Variants in TTI1 observed in about 807,000 individuals in gnomAD.
TTI1 encodes the protein TELO2 interacting protein 1, also known as TELO2-interacting protein 1 homolog.
Under a neutral mutation model 85.4 loss-of-function variants are expected in TTI1, and 52 were observed. That is an observed-to-expected ratio of 0.61 (90% CI 0.49 to 0.77). The LOEUF (loss-of-function observed/expected upper bound fraction) is 0.77, where lower values mean the gene tolerates loss of function less well. Ranked by LOEUF, TTI1 falls within the 30% of genes least tolerant of loss-of-function variation. TTI1 has a pLI of 0.00. For missense variants in TTI1, 1,173 were observed against 1,296.0 expected (o/e 0.91, Z 1.46); for synonymous variants, 512 against 503.9 (o/e 1.02, Z -0.22).
At chr20:38,030,317 G>A (rs1355060914) in intron 1 of TTI1, among the ~76,000 whole-genome samples, 3 of 152,018 alleles carry the variant, frequency 2.0e-5, no homozygotes, top group Middle Eastern at 3.4e-3. Context: ...GGAGAATTCC[G>A]CCAAACATTT....
Position 38,013,850 on chromosome 20 carries a change from C to G in TTI1, c.-34G>C. 6.3e-7 allele frequency: 1 copy of G among 1,581,078 alleles called. No homozygotes were observed. Among genetic ancestry groups the G allele is most frequent in the South Asian group, 1.1e-5 (1 of 87,170 alleles). ...AGCCTTCCCCTCATTGAGGAAACAT[C>G]CTGCAGGCTGGAGGAAGGAAACTGT... On this transcript the variant is annotated 5_prime_UTR_variant, in exon 2 of 8. Transcript: ENST00000373447.
intron 5 of TTI1, 120 bp downstream of exon 5, chr20:37,999,067 CT>C: frequency 8.9e-7 from 1 of 1,129,642 alleles, no homozygotes; most frequent in Non-Finnish European, 1.1e-6. Context: ...TGTTTCTATA[CT>C]TTCTTCACAG....
At position 37,999,216 on chromosome 20, in the gene TTI1, G is replaced by C. The variant is rs774077518; in HGVS notation, c.2765C>G (p.Ala922Gly). The change falls in exon 5 of 8, where the codon GCC (alanine) becomes GGC (glycine). Residue 922 changes from alanine (A) to glycine (G), a missense_variant. Transcript: ENST00000373447. ...GAAGGCTCTAAGCACTGCCAGGGGG[G>C]CGTCCCGTGTGAGTCGGTGAACGAG... Reference protein sequence around the residue: ...PSLVHRLTRDAPLAVLRAFKV... With the variant: ...PSLVHRLTRDGPLAVLRAFKV... 1.3e-6 allele frequency: 2 copies of C among 1,501,948 alleles called. No homozygotes were observed. 93.0% of individuals were successfully genotyped at this position (1,501,948 alleles called of 1,614,324 possible).
Position 38,013,352 on chromosome 20 carries a change from T to C in TTI1, c.465A>G (p.Val155=). The part of the protein sequence containing the change: ...PSILPRLGFA[V]SLLLGLAEQE... Reference sequence around the variant, plus strand: ...GTTCTGCAAGGCCTAACAGTAAAGATACAGCAAATCCTAAACGTGGCAGAA... The same window carrying C: ...GTTCTGCAAGGCCTAACAGTAAAGACACAGCAAATCCTAAACGTGGCAGAA... The change falls in exon 2 of 8, where the codon GTA becomes GTG. Residue 155 remains valine, a synonymous_variant. Transcript: ENST00000373447. 6.2e-7 allele frequency: 1 copy of C among 1,614,116 alleles called. No individual in the cohort carries two copies. Among genetic ancestry groups the C allele is most frequent in the South Asian group, 1.1e-5 (1 of 91,086 alleles).
In TTI1 at chr20:38,006,342, T is replaced by C. The variant is rs545314342; in HGVS notation, c.2358A>G (p.Gly786=). The change falls in exon 3 of 8, where the codon GGA becomes GGG. Residue 786 remains glycine, a synonymous_variant. Coordinates refer to ENST00000373447, the MANE Select transcript of TTI1 (RefSeq NM_001303457.2). ...TTTGGTTCAAATGACTTCCCTCTTC[T>C]CCTAAACTTTGCTCTTGGAGGTGCC... The part of the protein sequence containing the change: ...NLGHLQEQSL[G]EEGSHLNQRP... 1 of 1,614,214 alleles carries C rather than the reference T, an allele frequency of 6.2e-7. No homozygotes were observed. The highest frequency in any genetic ancestry group is 1.7e-5 in the Admixed American group (1 of 60,028).
chr20:38,003,600 A>G (rs2073455704), intron 3 of TTI1, among the ~76,000 whole-genome samples: 1 of 152,160 alleles, frequency 6.6e-6, no homozygotes, highest in South Asian at 2.1e-4. Flanking sequence ...TAAATTACAA[A>G]AATTAGCCGG....
intron 7 of TTI1, among the ~76,000 whole-genome samples, chr20:37,993,101 G>A (rs1255996465): frequency 6.7e-6 from 1 of 149,966 alleles, no homozygotes; most frequent in African/African-American, 2.4e-5. Context: ...GAGGGACTTT[G>A]GGGGAGCTGG....
intron 1 of TTI1, among the ~76,000 whole-genome samples, chr20:38,029,132 C>T (rs900884130): frequency 6.6e-6 from 1 of 151,996 alleles, no homozygotes; most frequent in Non-Finnish European, 1.5e-5. Context: ...TGAAATCAAG[C>T]TTGAAATCAC....
chr20:37,994,397 C>T (rs528297227), intron 7 of TTI1, among the ~76,000 whole-genome samples: 9 of 152,250 alleles, frequency 5.9e-5, no homozygotes, highest in East Asian at 1.9e-4. Flanking sequence ...ACTCCCAAAG[C>T]GCTGGGATAA....
intron 1 of TTI1, among the ~76,000 whole-genome samples, chr20:38,026,772 G>A (rs2073841459): frequency 1.3e-5 from 2 of 152,134 alleles, no homozygotes; most frequent in Non-Finnish European, 2.9e-5. Flanking sequence ...TAAATGCAAC[G>A]GGCTTTCCTT....
chr20:38,027,453 G>A (rs6097402), intron 1 of TTI1, among the ~76,000 whole-genome samples: 14,306 of 151,686 alleles, frequency 0.094, 890 homozygotes, highest in East Asian at 0.32. Context: ...CAACCCCCTC[G>A]AGCAGTCAAA....
chr20:38,009,143 T>A (rs1164945638), intron 2 of TTI1, among the ~76,000 whole-genome samples: 5 of 152,192 alleles, frequency 3.3e-5, no homozygotes, highest in African/African-American at 9.7e-5. Context: ...ACCTACATTT[T>A]AAAAATTTCA....
chr20:38,005,862 G>C (rs2073490041), intron 3 of TTI1: 3 of 296,826 alleles, frequency 1.0e-5, no homozygotes, highest in African/African-American at 6.6e-5. Context: ...CTGTTTATTA[G>C]AGTTATTATT....
At chr20:38,009,175 G>A (rs570596293) in intron 2 of TTI1, among the ~76,000 whole-genome samples, 89 of 152,176 alleles carry the variant, frequency 5.8e-4, no homozygotes, top group Admixed American at 9.2e-4. Context: ...AGCATAGGTC[G>A]CTAAAGCAGT....
At chr20:38,020,323 A>AAAAAAATATATATATATATAT in intron 1 of TTI1, among the ~76,000 whole-genome samples, 9 of 50,386 alleles carry the variant, frequency 1.8e-4, no homozygotes, top group East Asian at 1.1e-3. Flanking sequence ...AAAAAAAAAA[A>AAAAAAATATATATATATATAT]ATATATATAT....
rs369428836 is a variant in TTI1, at chr20:38,012,409, G to A, written c.1408C>T (p.Arg470Cys). ...PKTSATQPWN[R>C]IQRRYFRFFT... ...AAGCGGAAATATCTCCTCTGGATGC[G>A]GTTCCAAGGCTGTGTGGCTGAGGTC... Residue 470 changes from arginine to cysteine, a missense_variant, in exon 2 of 8, where the codon CGC (arginine) becomes TGC (cysteine). Coordinates refer to ENST00000373447, the MANE Select transcript of TTI1 (RefSeq NM_001303457.2). 59 of 1,614,066 alleles carry A rather than the reference G, an allele frequency of 3.7e-5. No individual in the cohort carries two copies. Among genetic ancestry groups the A allele is most frequent in the Non-Finnish European group, 4.8e-5 (57 of 1,180,036 alleles).
intron 1 of TTI1, among the ~76,000 whole-genome samples, chr20:38,014,921 G>T (rs979799041): frequency 6.6e-6 from 1 of 152,186 alleles, no homozygotes; most frequent in African/African-American, 2.4e-5. Context: ...TGGCCCAAGG[G>T]TACTGAGGAC....
intron 1 of TTI1, among the ~76,000 whole-genome samples, chr20:38,023,517 TG>T (rs2073797254): frequency 6.6e-6 from 1 of 152,222 alleles, no homozygotes. Flanking sequence ...AGTCGTATGA[TG>T]AAATAGGTTC....
intron 1 of TTI1, among the ~76,000 whole-genome samples, chr20:38,031,898 T>C (rs938165881): frequency 1.3e-5 from 2 of 152,182 alleles, no homozygotes; most frequent in African/African-American, 4.8e-5. Context: ...AGAATTAAAT[T>C]TAAAAAGTAT....
Sources: gnomAD v4.1 joint callset for allele counts (sites outside exome capture counted in the v4.1 genomes callset) on GRCh38, gnomAD v4.1.1 for gene constraint, MANE v1.5 for transcripts, NCBI Gene and HGNC (gene_info 2026-07-23, HGNC 2026-07-21) for gene names.